The following CMSS1 variants were observed in gnomAD, a reference collection of about 807,000 sequenced individuals.
CMSS1 encodes protein CMSS1.
Under a neutral mutation model 43.5 loss-of-function variants are expected in CMSS1, and 33 were observed. The ratio of observed to expected loss-of-function variants is 0.76; its 90% CI spans 0.57 to 1.01. The LOEUF (loss-of-function observed/expected upper bound fraction) is 1.01. Ranked by LOEUF, CMSS1 falls within the 50% of genes least tolerant of loss-of-function variation. The pLI is 0.00. For synonymous variants in CMSS1, 115 were observed against 117.2 expected, an observed-to-expected ratio of 0.98 and a Z score of 0.12; for missense variants, 313 against 326.4, an observed-to-expected ratio of 0.96 and a Z score of 0.32.
At chr3:99,879,705 A>G (rs1405857816) in intron 1 of CMSS1, among the ~76,000 whole-genome samples, 1 of 152,196 alleles carries the variant, frequency 6.6e-6, no homozygotes, top group Non-Finnish European at 1.5e-5. Context: ...GCTTTGAGCT[A>G]TGAGATGGTA....
intron 1 of CMSS1, among the ~76,000 whole-genome samples, chr3:99,855,969 T>C (rs1189569243): frequency 6.6e-6 from 1 of 152,196 alleles, no homozygotes; most frequent in Non-Finnish European, 1.5e-5. Context: ...TAAATACATA[T>C]CCCTCTGGTA....
At chr3:100,115,004 T>TTTA in intron 1 of CMSS1, 2 of 1,501,208 alleles carry the variant, frequency 1.3e-6, no homozygotes, top group Non-Finnish European at 9.0e-7. Context: ...TGGTGGTATG[T>TTTA]TTATTATTAT....
chr3:99,988,582 G>A (rs2107123121), intron 1 of CMSS1, among the ~76,000 whole-genome samples: 1 of 151,618 alleles, frequency 6.6e-6, no homozygotes, highest in Admixed American at 6.6e-5. Context: ...AATTCTGTAG[G>A]TTTCTCTTAT....
chr3:100,104,834 C>T (rs1235508665), intron 1 of CMSS1, among the ~76,000 whole-genome samples: 2 of 152,178 alleles, frequency 1.3e-5, no homozygotes, highest in African/African-American at 4.8e-5. Flanking sequence ...GGCTGAGAAT[C>T]ACCATTTACA....
intron 1 of CMSS1, among the ~76,000 whole-genome samples, chr3:100,134,751 T>C (rs148053322): frequency 1.2e-4 from 19 of 152,288 alleles, no homozygotes; most frequent in Admixed American, 3.3e-4. Context: ...GCCGGCCACA[T>C]GTAGATGAAT....
At chr3:99,929,002 G>A (rs1422398286) in intron 1 of CMSS1, among the ~76,000 whole-genome samples, 1 of 152,200 alleles carries the variant, frequency 6.6e-6, no homozygotes, top group Non-Finnish European at 1.5e-5. Context: ...GACATTAGAG[G>A]TCAGTCCTGA....
intron 1 of CMSS1, among the ~76,000 whole-genome samples, chr3:99,891,380 T>G (rs1029978118): frequency 6.6e-6 from 1 of 152,176 alleles, no homozygotes; most frequent in African/African-American, 2.4e-5. Flanking sequence ...AAATTTAAGT[T>G]TATGGAGTTT....
rs376328766 is a variant in CMSS1 at position 99,850,918 on chromosome 3, A to G, written c.64+32875A>G. ...TTGGATTTTCTGTCTTTGAAGGGTG[A>G]GCTGTGCCGTCAGCCTTTGCTGTTC... On this transcript the variant is annotated intron_variant, in intron 1 of 9. Transcript: ENST00000421999. The G allele has an allele frequency of 1.1e-5, 18 of 1,613,990 alleles. No homozygotes were observed. Among genetic ancestry groups the G allele is most frequent in the Non-Finnish European group, 1.4e-5 (17 of 1,180,020 alleles).
At chr3:100,135,701 A>G (rs1325011747) in intron 1 of CMSS1, among the ~76,000 whole-genome samples, 1 of 147,368 alleles carries the variant, frequency 6.8e-6, no homozygotes, top group African/African-American at 2.7e-5. Context: ...TGGAGCAGTC[A>G]AATTTTTAGA....
chr3:100,090,915 GA>G (rs2066092393), intron 1 of CMSS1, among the ~76,000 whole-genome samples: 1 of 152,190 alleles, frequency 6.6e-6, no homozygotes, highest in African/African-American at 2.4e-5. Flanking sequence ...AATGAGTGCA[GA>G]GGTTAAACAT....
At chr3:99,835,901 G>T (rs1347977532) in intron 1 of CMSS1, among the ~76,000 whole-genome samples, 1 of 152,180 alleles carries the variant, frequency 6.6e-6, no homozygotes, top group Non-Finnish European at 1.5e-5. Context: ...AAAGGAAGAA[G>T]AGTATTTCAG....
chr3:100,038,235 C>T (rs1255505313), intron 1 of CMSS1, among the ~76,000 whole-genome samples: 5 of 152,200 alleles, frequency 3.3e-5, no homozygotes, highest in South Asian at 2.1e-4. Flanking sequence ...TGATTACAGG[C>T]GTGAGCCACC....
intron 1 of CMSS1, among the ~76,000 whole-genome samples, chr3:99,919,143 G>GA (rs2107648263): frequency 6.6e-6 from 1 of 152,092 alleles, no homozygotes; most frequent in South Asian, 2.1e-4. Context: ...CAAAGAAACT[G>GA]AAAATCTTAA....
intron 1 of CMSS1, among the ~76,000 whole-genome samples, chr3:99,842,759 A>G (rs1051959369): frequency 1.3e-5 from 2 of 152,242 alleles, no homozygotes; most frequent in Non-Finnish European, 2.9e-5. Context: ...TCCTGAATAC[A>G]TTTTTATGGT....
At chr3:100,077,425 A>G (rs1576027727) in intron 1 of CMSS1, among the ~76,000 whole-genome samples, 1 of 152,344 alleles carries the variant, frequency 6.6e-6, no homozygotes, top group East Asian at 1.9e-4. Context: ...GTTAAACAAA[A>G]AAGGTGGTTA....
At chr3:99,848,825 T>A (rs1199795258) in intron 1 of CMSS1, 7 of 1,613,924 alleles carry the variant, frequency 4.3e-6, no homozygotes, top group Non-Finnish European at 5.1e-6. Flanking sequence ...ATGGAGGCGT[T>A]TTGGAGGATG....
At chr3:99,892,851 T>C (rs1290038684) in intron 1 of CMSS1, among the ~76,000 whole-genome samples, 1 of 152,236 alleles carries the variant, frequency 6.6e-6, no homozygotes, top group Non-Finnish European at 1.5e-5. Context: ...GTCAAGTTCA[T>C]GTCGATCATG....
At chr3:100,020,364 C>G (rs1465067893) in intron 1 of CMSS1, among the ~76,000 whole-genome samples, 1 of 152,188 alleles carries the variant, frequency 6.6e-6, no homozygotes, top group Non-Finnish European at 1.5e-5. Flanking sequence ...GTTGCAAGTT[C>G]CCCAAGTTCA....
intron 1 of CMSS1, among the ~76,000 whole-genome samples, chr3:99,891,062 T>G (rs996744911): frequency 6.9e-6 from 1 of 145,884 alleles, no homozygotes; most frequent in Non-Finnish European, 1.5e-5. Context: ...TTTGTTTTTG[T>G]TTTTTTTTCA....
Sources: gnomAD v4.1 joint callset for allele counts (sites outside exome capture counted in the v4.1 genomes callset) on GRCh38, gnomAD v4.1.1 for gene constraint, MANE v1.5 for transcripts, NCBI Gene and HGNC (gene_info 2026-07-23, HGNC 2026-07-21) for gene names.